Variants in ADGRL2 observed in about 807,000 individuals in gnomAD.
ADGRL2 encodes the protein adhesion G protein-coupled receptor L2, also known as calcium-independent alpha-latrotoxin receptor 2.
In ADGRL2, 44 loss-of-function variants were observed where a neutral mutation model predicts 157.4. The observed-to-expected ratio is 0.28, with a 90% CI of 0.22 to 0.36. The LOEUF (loss-of-function observed/expected upper bound fraction) is 0.36. Ranked by LOEUF, ADGRL2 falls within the 10% of genes least tolerant of loss-of-function variation. The pLI is 1.00. For missense variants in ADGRL2, 1,510 were observed against 1,768.9 expected (o/e 0.85, Z 2.63); for synonymous variants, 585 against 624.7 (o/e 0.94, Z 0.95).
chr1:81,354,156 T>G (rs1265024761), intron 1 of ADGRL2, among the ~76,000 whole-genome samples: 5 of 152,196 alleles, frequency 3.3e-5, no homozygotes, highest in African/African-American at 1.2e-4. Flanking sequence ...AGCCAGGCAT[T>G]CAACAGTATT....
rs969364404 is a variant in ADGRL2 at position 81,676,633 on chromosome 1, T to G, written c.-142-85178T>G. 2.6e-4 allele frequency among the ~76,000 whole-genome samples: 39 copies of G among 151,818 alleles called. 1 individual carries two copies. Among genetic ancestry groups the G allele is most frequent in the African/African-American group, 8.7e-4 (36 of 41,318 alleles). ...ACAAGGTTTTAAGGGGGAAATTGCA[T>G]GCATGTTACCTGGAGACTGTGGAAA... On this transcript the variant is annotated intron_variant, in intron 3 of 24. Transcript: ENST00000370721.
chr1:81,359,530 G>T (rs755619003), intron 1 of ADGRL2, among the ~76,000 whole-genome samples: 1 of 151,954 alleles, frequency 6.6e-6, no homozygotes, highest in Non-Finnish European at 1.5e-5. Flanking sequence ...TCAGTATACA[G>T]CATTAATATT....
intron 1 of ADGRL2, among the ~76,000 whole-genome samples, chr1:81,832,238 T>C (rs561540744): frequency 6.6e-6 from 1 of 152,126 alleles, no homozygotes; most frequent in Admixed American, 6.6e-5. Context: ...ACCTCTCGGG[T>C]TCAAGCAATT....
chr1:81,322,470 A>C (rs1444972987), intron 1 of ADGRL2, among the ~76,000 whole-genome samples: 1 of 152,128 alleles, frequency 6.6e-6, no homozygotes, highest in African/African-American at 2.4e-5. Context: ...TCTAGCAAGG[A>C]ACTTTAGTTA....
intron 3 of ADGRL2, among the ~76,000 whole-genome samples, chr1:81,668,459 C>T (rs2082798874): frequency 6.6e-6 from 1 of 151,674 alleles, no homozygotes; most frequent in South Asian, 2.1e-4. Flanking sequence ...TAGCTTGCCC[C>T]CTTGTGTATG....
intron 3 of ADGRL2, among the ~76,000 whole-genome samples, chr1:81,633,090 T>G (rs2082045757): frequency 6.6e-6 from 1 of 152,214 alleles, no homozygotes; most frequent in Non-Finnish European, 1.5e-5. Context: ...GTTTGATGGT[T>G]AGATAACTGT....
Position 81,771,943 on chromosome 1 carries a change from C to T in ADGRL2, c.-101+10091C>T, listed in dbSNP as rs78127266. ...TTCTCAATCTCTTTTGCATGTAAAA[C>T]TATATTTTAAAACATTTTATCCTTG... is the stretch of plus-strand genomic sequence containing the variant. On this transcript the variant is annotated intron_variant, in intron 2 of 20. Coordinates refer to the ADGRL2 transcript ENST00000359929. 9.3e-3 allele frequency among the ~76,000 whole-genome samples: 1,420 copies of T among 152,156 alleles called. 29 individuals carry two copies. The highest frequency in any genetic ancestry group is 0.032 in the African/African-American group (1,315 of 41,522).
At chr1:81,623,423 A>G (rs1570665654) in intron 3 of ADGRL2, among the ~76,000 whole-genome samples, 1 of 152,108 alleles carries the variant, frequency 6.6e-6, no homozygotes, top group African/African-American at 2.4e-5. Context: ...AAAGACTGGG[A>G]TGAGGTTGAT....
chr1:81,537,167 A>T (rs1194347741), intron 2 of ADGRL2, among the ~76,000 whole-genome samples: 1 of 152,258 alleles, frequency 6.6e-6, no homozygotes, highest in Non-Finnish European at 1.5e-5. Flanking sequence ...ATGAATATGT[A>T]TATTTACATA....
At chr1:81,508,606 A>T (rs1012088807) in intron 2 of ADGRL2, among the ~76,000 whole-genome samples, 6 of 152,212 alleles carry the variant, frequency 3.9e-5, no homozygotes, top group African/African-American at 1.4e-4. Context: ...ATGATTAAGG[A>T]TTTCAAGGTA....
At chr1:81,406,806 G>T (rs2076862027) in intron 1 of ADGRL2, among the ~76,000 whole-genome samples, 1 of 152,114 alleles carries the variant, frequency 6.6e-6, no homozygotes, top group South Asian at 2.1e-4. Context: ...TATGAAAAGG[G>T]GACTCTGGAG....
intron 3 of ADGRL2, among the ~76,000 whole-genome samples, chr1:81,668,229 G>A (rs890850699): frequency 5.9e-5 from 9 of 151,778 alleles, no homozygotes; most frequent in African/African-American, 1.5e-4. Context: ...GTTCGAGACC[G>A]GCCTGACCAA....
At chr1:81,715,772 G>A (rs2084096929) in intron 1 of ADGRL2, among the ~76,000 whole-genome samples, 1 of 152,046 alleles carries the variant, frequency 6.6e-6, no homozygotes, top group Non-Finnish European at 1.5e-5. Context: ...CTCTTCATGA[G>A]ACCAAGGTCA....
chr1:81,856,793 A>G (rs2093218565), intron 2 of ADGRL2, among the ~76,000 whole-genome samples: 1 of 151,974 alleles, frequency 6.6e-6, no homozygotes, highest in Non-Finnish European at 1.5e-5. Context: ...TGTAGGGCAT[A>G]CTTAATTACA....
In ADGRL2 at chr1:81,330,166, G is replaced by A. The variant is rs113599787; in HGVS notation, c.-302+23657G>A. Among the ~76,000 whole-genome samples, 1,251 of 152,202 alleles carry A rather than the reference G, an allele frequency of 8.2e-3. 13 individuals are homozygous for A. Among genetic ancestry groups the A allele is most frequent in the African/African-American group, 0.028 (1,181 of 41,550 alleles). The stretch of plus-strand genomic sequence containing the variant: ...ATATGAGTTTTCCTCACCATGGTTA[G>A]CATCTCATCATCATGATGAGGATGA... On this transcript the variant is annotated intron_variant, in intron 1 of 24. Transcript: ENST00000370721.
At chr1:81,356,066 C>T (rs903712687) in intron 1 of ADGRL2, among the ~76,000 whole-genome samples, 5 of 152,082 alleles carry the variant, frequency 3.3e-5, no homozygotes, top group Admixed American at 2.6e-4. Flanking sequence ...ATTACCCTAT[C>T]GGGTAATGAT....
intron 2 of ADGRL2, among the ~76,000 whole-genome samples, chr1:81,566,042 A>T (rs768484311): frequency 6.6e-6 from 1 of 152,184 alleles, no homozygotes; most frequent in African/African-American, 2.4e-5. Flanking sequence ...CTATAAATGG[A>T]GGAAGAAAAT....
At chr1:81,716,690 T>C (rs1022110460) in intron 1 of ADGRL2, among the ~76,000 whole-genome samples, 1 of 152,070 alleles carries the variant, frequency 6.6e-6, no homozygotes, top group South Asian at 2.1e-4. Context: ...ATCTAAGAAC[T>C]AGATTAATCC....
intron 1 of ADGRL2, among the ~76,000 whole-genome samples, chr1:81,436,844 C>T (rs553974936): frequency 1.3e-5 from 2 of 152,166 alleles, no homozygotes; most frequent in Non-Finnish European, 2.9e-5. Context: ...AATCAGATAC[C>T]GTATTGGCAT....
Sources: gnomAD v4.1 joint callset for allele counts (sites outside exome capture counted in the v4.1 genomes callset) on GRCh38, gnomAD v4.1.1 for gene constraint, MANE v1.5 for transcripts, NCBI Gene and HGNC (gene_info 2026-07-23, HGNC 2026-07-21) for gene names.